The following JAKMIP3 variants were observed in gnomAD, a reference collection of about 807,000 sequenced individuals.
JAKMIP3 encodes Janus kinase and microtubule interacting protein 3.
In JAKMIP3, 58 loss-of-function variants were observed where a neutral mutation model predicts 118.5. The ratio of observed to expected loss-of-function variants is 0.49; its 90% CI spans 0.40 to 0.61. JAKMIP3 has a LOEUF of 0.61. Ranked by LOEUF, JAKMIP3 falls within the 20% of genes least tolerant of loss-of-function variation. The pLI is 0.00. For missense variants in JAKMIP3, 950 were observed against 1,109.0 expected (o/e 0.86, Z 2.04); for synonymous variants, 486 against 451.2 (o/e 1.08, Z -0.98).
chr10:132,046,199 A>T (rs923007455), intron 1 of JAKMIP3, among the ~76,000 whole-genome samples: 6 of 152,308 alleles, frequency 3.9e-5, no homozygotes, highest in Non-Finnish European at 8.8e-5. Context: ...TCATGCCTGT[A>T]ATCCCAGCAC....
chr10:132,069,012 T>A (rs2039390290), intron 1 of JAKMIP3, among the ~76,000 whole-genome samples: 1 of 152,160 alleles, frequency 6.6e-6, no homozygotes, highest in South Asian at 2.1e-4. Flanking sequence ...GCCTTAGTGC[T>A]CGGCCTGCGG....
intron 1 of JAKMIP3, among the ~76,000 whole-genome samples, chr10:132,066,497 G>A (rs1051072680): frequency 3.3e-5 from 5 of 152,192 alleles, no homozygotes; most frequent in African/African-American, 1.2e-4. Flanking sequence ...GGCCTGCGGC[G>A]TCCGGGTGCT....
intron 3 of JAKMIP3, among the ~76,000 whole-genome samples, chr10:132,120,786 C>A (rs2048414584): frequency 6.6e-6 from 1 of 152,190 alleles, no homozygotes; most frequent in Non-Finnish European, 1.5e-5. Context: ...TCTTTTAAGG[C>A]CGTCATTTAT....
At chr10:132,140,759 T>C (rs1014525551) in intron 10 of JAKMIP3, among the ~76,000 whole-genome samples, 180 bp downstream of exon 10, 2 of 152,174 alleles carry the variant, frequency 1.3e-5, no homozygotes, top group Non-Finnish European at 2.9e-5. Context: ...GACCCGCTGA[T>C]AGCTGACTCG....
chr10:132,041,805 C>T (rs2037761974), intron 1 of JAKMIP3, among the ~76,000 whole-genome samples: 1 of 152,224 alleles, frequency 6.6e-6, no homozygotes, highest in Non-Finnish European at 1.5e-5. Flanking sequence ...CCTCAGGCCT[C>T]TTCCATGGCT....
chr10:132,180,626 CGTGT>C (rs1195454959), intron 23 of JAKMIP3, among the ~76,000 whole-genome samples: 240 of 23,350 alleles, frequency 0.01, 56 homozygotes, highest in African/African-American at 0.065. Context: ...CGTGTGTGTG[CGTGT>C]GTGCGTGCGT....
At chr10:132,116,358 T>A (rs1434189828) in intron 2 of JAKMIP3, among the ~76,000 whole-genome samples, 2 of 151,326 alleles carry the variant, frequency 1.3e-5, no homozygotes, top group African/African-American at 4.9e-5. Context: ...TCCCCCCGAA[T>A]ACACATTCAG....
intron 1 of JAKMIP3, among the ~76,000 whole-genome samples, chr10:132,079,636 A>G (rs2041454139): frequency 6.6e-6 from 1 of 152,236 alleles, no homozygotes; most frequent in African/African-American, 2.4e-5. Context: ...GCCATTTTTA[A>G]GTGTGCACTT....
intron 1 of JAKMIP3, among the ~76,000 whole-genome samples, chr10:132,056,871 C>G (rs1316665842): frequency 6.6e-6 from 1 of 152,114 alleles, no homozygotes; most frequent in Non-Finnish European, 1.5e-5. Context: ...ATACCAGGCA[C>G]TCGGGGGTCC....
chr10:132,133,643 C>G, intron 4 of JAKMIP3, 116 bp downstream of exon 4: 4 of 944,658 alleles, frequency 4.2e-6, no homozygotes, highest in Non-Finnish European at 6.4e-6. Context: ...GTTGAGGCAG[C>G]ACCCTCCTGC....
At chr10:132,090,697 T>C (rs999350753) in intron 1 of JAKMIP3, among the ~76,000 whole-genome samples, 2 of 152,252 alleles carry the variant, frequency 1.3e-5, no homozygotes, top group African/African-American at 4.8e-5. Context: ...TTTTTGTCTC[T>C]ATCTCCTTCA....
intron 2 of JAKMIP3, among the ~76,000 whole-genome samples, chr10:132,108,017 C>A (rs538065698): frequency 6.6e-6 from 1 of 152,330 alleles, no homozygotes; most frequent in East Asian, 1.9e-4. Flanking sequence ...CGGGCAGAGT[C>A]CTCACTGCTG....
At chr10:132,163,002 G>A (rs1188810385) in intron 19 of JAKMIP3, among the ~76,000 whole-genome samples, 7 of 152,308 alleles carry the variant, frequency 4.6e-5, no homozygotes, top group African/African-American at 9.6e-5. Flanking sequence ...CCTGGTCAGC[G>A]TCTCTGCTTC....
At position 132,168,650 on chromosome 10, in the gene JAKMIP3, C is replaced by T. The variant is rs994712305; in HGVS notation, c.*720C>T. Reference sequence around the variant, plus strand: ...CTCTGCCTCCCTACTCAACCTGAGACAGGAAGGCCAAGATCCCGCCCAAGC... The same window carrying T: ...CTCTGCCTCCCTACTCAACCTGAGATAGGAAGGCCAAGATCCCGCCCAAGC... On this transcript the variant is annotated 3_prime_UTR_variant, in exon 23 of 24. Transcript: ENST00000684848. The T allele has an allele frequency of 3.0e-6, 1 of 330,882 alleles. No homozygotes were observed. Among genetic ancestry groups the T allele is most frequent in the Non-Finnish European group, 5.9e-6 (1 of 170,898 alleles). 20.5% of individuals were successfully genotyped at this position (330,882 alleles called of 1,614,324 possible). A position where few individuals can be genotyped will look rare whatever the true frequency, so the allele number is the denominator to read the frequency against.
At chr10:132,062,244 C>T (rs1288842597), upstream of JAKMIP3, among the ~76,000 whole-genome samples, 1 of 152,232 alleles carries the variant, frequency 6.6e-6, no homozygotes, top group Admixed American at 6.5e-5. Context: ...GCCCATCAGG[C>T]TTGGGAGGTG....
intron 2 of JAKMIP3, among the ~76,000 whole-genome samples, chr10:132,110,849 T>A (rs1311267504): frequency 6.6e-6 from 1 of 152,190 alleles, no homozygotes; most frequent in Non-Finnish European, 1.5e-5. Context: ...AACTCGGCCT[T>A]GTCTTGAGGA....
rs116603422 is a variant in JAKMIP3, at chr10:132,123,296, G to A, written c.633+5722G>A. ...GCCTGAGAGAGCCGTCTGGGTGCACGCAGCTACTGCATGCACGCTCAGCGC... is the reference window on the plus strand; with the variant it reads ...GCCTGAGAGAGCCGTCTGGGTGCACACAGCTACTGCATGCACGCTCAGCGC... On this transcript the variant is annotated intron_variant, in intron 3 of 23. Coordinates refer to ENST00000684848, the MANE Select transcript of JAKMIP3 (RefSeq NM_001323087.2). Among the ~76,000 whole-genome samples the A allele has an allele frequency of 1.3e-3, 200 of 152,306 alleles. 1 individual carries two copies. The highest frequency in any genetic ancestry group is 3.4e-3 in the Middle Eastern group (1 of 294).
intron 19 of JAKMIP3, among the ~76,000 whole-genome samples, chr10:132,155,357 G>A (rs990633239): frequency 5.3e-5 from 8 of 152,196 alleles, no homozygotes; most frequent in East Asian, 1.9e-4. Flanking sequence ...CCAAGGACAC[G>A]CAGTCAGAAT....
chr10:132,044,881 C>T lies in JAKMIP3; in HGVS notation c.-138+8143C>T, dbSNP rs1227640879. ...GCTGAGTAGAATCATGGTATTTGTGCGTGTGTGTGACTGGCGTGCTTCACC... is the reference window on the plus strand; with the variant it reads ...GCTGAGTAGAATCATGGTATTTGTGTGTGTGTGTGACTGGCGTGCTTCACC... On this transcript the variant is annotated intron_variant, in intron 1 of 23. Coordinates refer to the JAKMIP3 transcript ENST00000657785. This position sits in a 1 kb window ranked among gnomAD's most constrained non-coding sequence, Gnocchi z 5.3. 6.6e-6 allele frequency among the ~76,000 whole-genome samples: 1 copy of T among 150,774 alleles called. No individual in the cohort carries two copies. Among genetic ancestry groups the T allele is most frequent in the South Asian group, 2.1e-4 (1 of 4,788 alleles).
Sources: allele counts gnomAD v4.1 joint callset (sites outside exome capture counted in the v4.1 genomes callset), GRCh38; gene constraint gnomAD v4.1.1; non-coding constraint Gnocchi (gnomAD v3.1); transcripts MANE v1.5; gene names NCBI Gene and HGNC (gene_info 2026-07-23, HGNC 2026-07-21).